ZNF608: variants seen among roughly 807,000 people sequenced by gnomAD.
ZNF608 encodes the protein zinc finger protein 608, also known as renal carcinoma antigen NY-REN-36.
Under a neutral mutation model 109.0 loss-of-function variants are expected in ZNF608, and 12 were observed. That is an observed-to-expected ratio of 0.11 (90% CI 0.07 to 0.18). The LOEUF (loss-of-function observed/expected upper bound fraction) is 0.18, where lower values mean the gene tolerates loss of function less well. Among genes scored for constraint, ZNF608 ranks in the 10% least tolerant of loss-of-function variants. The pLI is 1.00. For synonymous variants in ZNF608, 732 were observed against 717.4 expected (o/e 1.02, Z -0.33); for missense variants, 1,707 against 1,879.3 (o/e 0.91, Z 1.70).
At chr5:124,698,672 T>C (rs1027320698) in intron 3 of ZNF608, among the ~76,000 whole-genome samples, 1 of 152,234 alleles carries the variant, frequency 6.6e-6, no homozygotes, top group African/African-American at 2.4e-5. Context: ...TGTATATCAC[T>C]ATCAAATAAT....
intron 3 of ZNF608, among the ~76,000 whole-genome samples, chr5:124,656,146 CA>C (rs562562653): frequency 1.3e-5 from 2 of 152,210 alleles, no homozygotes; most frequent in South Asian, 4.2e-4. Flanking sequence ...TCACCCTGAA[CA>C]TAGGGCTTTA....
chr5:124,746,225 C>A lies in ZNF608; in HGVS notation c.-214G>T. 1 of 985,342 alleles carries A rather than the reference C, an allele frequency of 1.0e-6. No individual in the cohort carries two copies. The highest frequency in any genetic ancestry group is 1.2e-6 in the Non-Finnish European group (1 of 829,912). 61.0% of individuals were successfully genotyped at this position (985,342 alleles called of 1,614,324 possible). On this transcript the variant is annotated 5_prime_UTR_variant, in exon 1 of 10. Transcript: ENST00000513986. ...AATCCTTTATCATTTTTTAATTAGG[C>A]CAGCAAATCAAAATGCCTTTCCCAC...
intron 3 of ZNF608, among the ~76,000 whole-genome samples, chr5:124,683,042 C>T (rs1038478026): frequency 4.6e-5 from 7 of 152,164 alleles, no homozygotes; most frequent in Non-Finnish European, 4.4e-5. Flanking sequence ...CTCTCTCCCC[C>T]TCTCTATCTG....
At chr5:124,663,461 C>G (rs991666423) in intron 3 of ZNF608, among the ~76,000 whole-genome samples, 3 of 152,132 alleles carry the variant, frequency 2.0e-5, no homozygotes, top group African/African-American at 7.2e-5. Context: ...AAGTGGTAAA[C>G]GACAGGCTAC....
chr5:124,686,156 C>G (rs141970069), intron 3 of ZNF608, among the ~76,000 whole-genome samples: 1 of 152,184 alleles, frequency 6.6e-6, no homozygotes, highest in Admixed American at 6.5e-5. Context: ...CCTTCTGAAT[C>G]GTGGAAGATT....
intron 5 of ZNF608, among the ~76,000 whole-genome samples, chr5:124,645,515 G>A (rs1750456662): frequency 6.6e-6 from 1 of 152,054 alleles, no homozygotes; most frequent in South Asian, 2.1e-4. Flanking sequence ...GGTGGCGGTG[G>A]TGGGGGCTGG....
chr5:124,704,342 A>G (rs1308498067), intron 2 of ZNF608, among the ~76,000 whole-genome samples: 1 of 152,148 alleles, frequency 6.6e-6, no homozygotes, highest in Admixed American at 6.5e-5. Flanking sequence ...CCACTCCCAT[A>G]GGTACCAGAC....
intron 3 of ZNF608, among the ~76,000 whole-genome samples, chr5:124,680,701 CA>C (rs1279086304): frequency 3.3e-5 from 5 of 151,726 alleles, no homozygotes; most frequent in African/African-American, 7.3e-5. Context: ...CACACATAAA[CA>C]AAAAAGAAAC....
intron 2 of ZNF608, among the ~76,000 whole-genome samples, chr5:124,735,344 T>C (rs556431995): frequency 2.8e-5 from 4 of 140,956 alleles, no homozygotes; most frequent in African/African-American, 1.0e-4. Flanking sequence ...AACGGGTCCC[T>C]GGCGGGAAGA....
At chr5:124,690,830 G>A (rs1262730208) in intron 3 of ZNF608, among the ~76,000 whole-genome samples, 1 of 151,940 alleles carries the variant, frequency 6.6e-6, no homozygotes, top group Non-Finnish European at 1.5e-5. Context: ...ACAATGAACA[G>A]AGTAAAAGGA....
In ZNF608 at chr5:124,701,116, T is replaced by G. The variant is rs1340472853; in HGVS notation, c.1060A>C (p.Thr354Pro). 1 of 1,614,142 alleles carries G rather than the reference T, an allele frequency of 6.2e-7. No homozygotes were observed. Among genetic ancestry groups the G allele is most frequent in the Non-Finnish European group, 8.5e-7 (1 of 1,180,030 alleles). Reference protein sequence around the residue: ...LVRTRSVGVNTCEVGVVTEPE... With the variant: ...LVRTRSVGVNPCEVGVVTEPE... Reference sequence around the variant, plus strand: ...TCTGTCACTACTCCAACTTCACATGTATTGACACCCACAGAACGAGTCCGA... The same window carrying G: ...TCTGTCACTACTCCAACTTCACATGGATTGACACCCACAGAACGAGTCCGA... Residue 354 changes from threonine to proline, a missense_variant, in exon 3 of 10, where the codon ACA becomes CCA. Coordinates refer to ENST00000513986, the MANE Select transcript of ZNF608 (RefSeq NM_020747.3).
rs187802272 is a variant in ZNF608 at position 124,726,080 on chromosome 5, A to G, written c.906+18004T>C. ...CTAATGTCACCAAAAATCAATTCTGAGTCTCATTTTAACCTGACTTCTTGG... is the reference window on the plus strand; with the variant it reads ...CTAATGTCACCAAAAATCAATTCTGGGTCTCATTTTAACCTGACTTCTTGG... On this transcript the variant is annotated intron_variant, in intron 2 of 9. Transcript: ENST00000513986. Among the ~76,000 whole-genome samples the G allele has an allele frequency of 1.4e-3, 206 of 152,288 alleles. 3 individuals are homozygous for G. The highest frequency in any genetic ancestry group is 0.013 in the Admixed American group (197 of 15,300).
chr5:124,710,731 T>C (rs1241816656), intron 2 of ZNF608: 1 of 153,436 alleles, frequency 6.5e-6, no homozygotes, highest in South Asian at 2.0e-4. Flanking sequence ...AAGCAAAGTT[T>C]TGAAAATGTG....
rs928016120 is a variant in ZNF608 at position 124,649,383 on chromosome 5, T to G, written c.1250+227A>C. 3.3e-5 allele frequency among the ~76,000 whole-genome samples: 5 copies of G among 152,212 alleles called. No homozygotes were observed. The Middle Eastern group carries it at 0.017, about 518-fold the overall frequency. On this transcript the variant is annotated intron_variant, in intron 4 of 9. Transcript: ENST00000513986. ...TCCAAACCAGTTCAAATTCCCACTT[T>G]GAGAAAAAATGAAAACAAAGACAGG...
chr5:124,647,697 G>A lies in ZNF608; in HGVS notation c.2687C>T (p.Pro896Leu), dbSNP rs1750591511. ...CAGCCTCGAGGCGCTCCCTATGGAA[G>A]GGCTGGGAGCGTTGTCTGTGAAAGT... is the stretch of plus-strand genomic sequence containing the variant. The part of the protein sequence containing the change: ...VYTFTDNAPS[P>L]SIGSASRLEC... The change falls in exon 5 of 10, where the codon CCT (proline) becomes CTT (leucine). Residue 896 changes from proline to leucine, a missense_variant. Coordinates refer to ENST00000513986, the MANE Select transcript of ZNF608 (RefSeq NM_020747.3). 2 of 1,614,128 alleles carry A rather than the reference G, an allele frequency of 1.2e-6. No homozygotes were observed. Among genetic ancestry groups the A allele is most frequent in the Non-Finnish European group, 1.7e-6 (2 of 1,180,050 alleles).
chr5:124,716,737 T>G (rs1184384106), intron 2 of ZNF608, among the ~76,000 whole-genome samples: 1 of 152,224 alleles, frequency 6.6e-6, no homozygotes, highest in Non-Finnish European at 1.5e-5. Context: ...TAAGTTATTA[T>G]TAGCCCCACT....
chr5:124,715,161 C>A (rs4529188), intron 2 of ZNF608, among the ~76,000 whole-genome samples: 28,102 of 151,996 alleles, frequency 0.18, 2,813 homozygotes, highest in Admixed American at 0.27. Flanking sequence ...AATGAAACAA[C>A]CTCTATGAAA....
In ZNF608 at chr5:124,701,046, A is replaced by C. The variant is rs1753030688; in HGVS notation, c.1130T>G (p.Leu377Trp). 1 of 1,614,072 alleles carries C rather than the reference A, an allele frequency of 6.2e-7. No homozygotes were observed. The highest frequency in any genetic ancestry group is 1.1e-5 in the South Asian group (1 of 91,090). Reference protein sequence around the residue: ...GPCEPGTSVNLEGIVWHETEE... With the variant: ...GPCEPGTSVNWEGIVWHETEE... ...TGTTTCATGCCACACGATCCCTTCC[A>C]AATTCACACTGGTCCCAGGTTCACA... Residue 377 changes from leucine to tryptophan, a missense_variant, in exon 3 of 10, where the codon TTG becomes TGG. By Grantham distance (61) the Leu-to-Trp change is moderately conservative. Around this residue, in one of 7 missense-constraint regions of ZNF608, gnomAD observed 16 missense variants for 37.0 expected, o/e 0.43. Transcript: ENST00000513986.
intron 3 of ZNF608, among the ~76,000 whole-genome samples, chr5:124,697,701 G>A (rs1752907650): frequency 6.6e-6 from 1 of 152,028 alleles, no homozygotes; most frequent in Non-Finnish European, 1.5e-5. Flanking sequence ...TAACACTAGG[G>A]GAAAGACTGA....
Sources: allele counts gnomAD v4.1 joint callset (sites outside exome capture counted in the v4.1 genomes callset), GRCh38; gene constraint gnomAD v4.1.1; regional missense constraint gnomAD v4.1.1; transcripts MANE v1.5; gene names NCBI Gene and HGNC (gene_info 2026-07-23, HGNC 2026-07-21).